CSMD1: variants seen among roughly 807,000 people sequenced by gnomAD.
The protein encoded by CSMD1 is CUB and sushi domain-containing protein 1.
CSMD1 carries 213 observed loss-of-function variants against 417.5 expected under a neutral mutation model. That is an observed-to-expected ratio of 0.51 (90% CI 0.46 to 0.57). The LOEUF (loss-of-function observed/expected upper bound fraction) is 0.57. Among genes scored for constraint, CSMD1 ranks in the 20% least tolerant of loss-of-function variants. CSMD1 has a pLI of 0.00. For synonymous variants in CSMD1, 2,862 were observed against 1,736.8 expected (o/e 1.65, Z -16.11); for missense variants, 6,923 against 4,529.7 (o/e 1.53, Z -15.17).
chr8:3,662,388 A>C (rs904076488), intron 7 of CSMD1, among the ~76,000 whole-genome samples: 1 of 152,148 alleles, frequency 6.6e-6, no homozygotes, highest in Non-Finnish European at 1.5e-5. Flanking sequence ...CCCTAACTTA[A>C]ATATATGAAT....
At chr8:4,222,108 A>C (rs545685671) in intron 3 of CSMD1, among the ~76,000 whole-genome samples, 8 of 150,926 alleles carry the variant, frequency 5.3e-5, no homozygotes, top group East Asian at 2.0e-4. Context: ...AAACCAACAA[A>C]AAAAAAAAAC....
At chr8:4,198,639 C>A (rs908325328) in intron 3 of CSMD1, among the ~76,000 whole-genome samples, 8 of 152,030 alleles carry the variant, frequency 5.3e-5, no homozygotes, top group Non-Finnish European at 1.0e-4. Flanking sequence ...GGATAATGTC[C>A]CATTATCAAC....
chr8:3,065,595 T>A (rs140379456), intron 49 of CSMD1, among the ~76,000 whole-genome samples: 1 of 151,824 alleles, frequency 6.6e-6, no homozygotes, highest in Non-Finnish European at 1.5e-5. Flanking sequence ...CACAGATCGA[T>A]AGGAAGATAG....
intron 21 of CSMD1, among the ~76,000 whole-genome samples, chr8:3,352,871 C>A (rs113346544): frequency 6.6e-6 from 1 of 151,986 alleles, no homozygotes; most frequent in African/African-American, 2.4e-5. Context: ...AACAAACAAA[C>A]AAAAAACACG....
chr8:3,467,166 G>A lies in CSMD1; in HGVS notation c.1561+1546C>T, dbSNP rs554088799. On this transcript the variant is annotated intron_variant, in intron 12 of 69. Transcript: ENST00000635120. ...TCACTGTGAAATATGACACATAGAA[G>A]AATGTTTACCTTTTATTGGGACTAC... 2.0e-5 allele frequency among the ~76,000 whole-genome samples: 3 copies of A among 152,274 alleles called. No individual in the cohort carries two copies. In the East Asian group the frequency reaches 5.8e-4, roughly 29 times the overall value.
intron 2 of CSMD1, among the ~76,000 whole-genome samples, chr8:4,617,984 C>T (rs1379285242): frequency 6.6e-6 from 1 of 152,142 alleles, no homozygotes; most frequent in African/African-American, 2.4e-5. Flanking sequence ...TGATTTGGAG[C>T]TGCCTATTTG....
At chr8:4,967,787 G>C (rs1006631287) in intron 1 of CSMD1, among the ~76,000 whole-genome samples, 2 of 152,128 alleles carry the variant, frequency 1.3e-5, no homozygotes, top group Admixed American at 1.3e-4. Flanking sequence ...CTAGAGAACT[G>C]TTAGAATTCA....
chr8:3,064,962 C>T lies in CSMD1; in HGVS notation c.7475-12315G>A, dbSNP rs571619398. Among the ~76,000 whole-genome samples the T allele has an allele frequency of 6.6e-5, 10 of 152,058 alleles. No individual in the cohort carries two copies. The East Asian group carries it at 7.8e-4, about 12-fold the overall frequency. On this transcript the variant is annotated intron_variant, in intron 49 of 69. Transcript: ENST00000635120. ...AAATTAGAGAACAAAACTTTGAAAA[C>T]GAGTCTATTCCATGTGCACTGGGAA... is the stretch of plus-strand genomic sequence containing the variant.
At chr8:3,052,158 C>G (rs13257299) in intron 50 of CSMD1, among the ~76,000 whole-genome samples, 27,640 of 152,076 alleles carry the variant, frequency 0.18, 3,097 homozygotes, top group Non-Finnish European at 0.25. Context: ...TCTCAATTTC[C>G]TCTAGATTTC....
chr8:4,738,261 C>CA (rs1810369857), intron 1 of CSMD1, among the ~76,000 whole-genome samples: 1 of 152,186 alleles, frequency 6.6e-6, no homozygotes, highest in Non-Finnish European at 1.5e-5. Flanking sequence ...TTCATTTTCA[C>CA]GCTGCTATAA....
chr8:3,064,687 A>C (rs1812803206), intron 49 of CSMD1, among the ~76,000 whole-genome samples: 1 of 152,102 alleles, frequency 6.6e-6, no homozygotes, highest in African/African-American at 2.4e-5. Flanking sequence ...GAATAAAAAC[A>C]TCCCCGCATT....
intron 10 of CSMD1, among the ~76,000 whole-genome samples, chr8:3,528,488 C>T (rs1266700616): frequency 2.0e-5 from 3 of 152,192 alleles, no homozygotes; most frequent in African/African-American, 7.2e-5. Flanking sequence ...AGGAAGAAGA[C>T]ATTTCCTTAG....
chr8:3,714,051 G>GATAGATAC (rs1197663108), intron 6 of CSMD1, among the ~76,000 whole-genome samples: 1 of 151,362 alleles, frequency 6.6e-6, no homozygotes, highest in East Asian at 1.9e-4. Context: ...TAGATAGATA[G>GATAGATAC]ATAGATAGAT....
chr8:3,391,196 G>A (rs116705969), intron 17 of CSMD1, among the ~76,000 whole-genome samples: 6 of 152,070 alleles, frequency 3.9e-5, no homozygotes, highest in African/African-American at 1.4e-4. Flanking sequence ...TGGTGTGCAC[G>A]CACATATAAA....
chr8:3,299,858 G>C (rs143800592), intron 25 of CSMD1, among the ~76,000 whole-genome samples: 2 of 152,326 alleles, frequency 1.3e-5, no homozygotes, highest in African/African-American at 2.4e-5. Context: ...CAGTTTCAGA[G>C]AGAATGTAGA....
chr8:4,701,814 T>C (rs1807575835), intron 1 of CSMD1, among the ~76,000 whole-genome samples: 1 of 152,172 alleles, frequency 6.6e-6, no homozygotes, highest in South Asian at 2.1e-4. Context: ...CATAATCTCA[T>C]ATTTACTCTG....
At chr8:4,121,787 C>T (rs1344530438) in intron 3 of CSMD1, among the ~76,000 whole-genome samples, 3 of 151,890 alleles carry the variant, frequency 2.0e-5, no homozygotes. Context: ...TATTACAGTA[C>T]ATCACTTATT....
At chr8:4,476,752 G>C (rs1338774108) in intron 2 of CSMD1, among the ~76,000 whole-genome samples, 2 of 152,080 alleles carry the variant, frequency 1.3e-5, no homozygotes, top group Non-Finnish European at 1.5e-5. Context: ...ACCTCCGTTT[G>C]TTCATATGTA....
At chr8:3,429,960 C>T (rs1360122588) in intron 12 of CSMD1, among the ~76,000 whole-genome samples, 8 of 152,086 alleles carry the variant, frequency 5.3e-5, no homozygotes, top group South Asian at 2.1e-4. Flanking sequence ...ATGTATTAAT[C>T]GATATCTGTA....
Sources: allele counts gnomAD v4.1 joint callset (sites outside exome capture counted in the v4.1 genomes callset), GRCh38; gene constraint gnomAD v4.1.1; transcripts MANE v1.5; gene names NCBI Gene and HGNC (gene_info 2026-07-23, HGNC 2026-07-21).